EFCAB8: variants seen among roughly 807,000 people sequenced by gnomAD.
EFCAB8 encodes EF-hand calcium binding domain 8, also known as EF-hand calcium-binding domain-containing protein 8.
In EFCAB8, 100 loss-of-function variants were observed where a neutral mutation model predicts 116.3. The ratio of observed to expected loss-of-function variants is 0.86; its 90% confidence interval spans 0.73 to 1.02. The LOEUF is 1.02. EFCAB8 is among the 50% of genes least tolerant of loss of function. EFCAB8 has a pLI of 0.00. For synonymous variants in EFCAB8, 558 were observed against 567.9 expected, an observed-to-expected ratio of 0.98 and a Z score of 0.25; for missense variants, 1,320 against 1,416.9, an observed-to-expected ratio of 0.93 and a Z score of 1.10.
At chr20:32,946,645 T>G (rs772364680) in intron 23 of EFCAB8, among the ~76,000 whole-genome samples, 5 of 152,208 alleles carry the variant, frequency 3.3e-5, no homozygotes, top group Non-Finnish European at 5.9e-5. Flanking sequence ...AAAATCAGAT[T>G]TCTGAAGTAT....
rs6058966 is a variant in EFCAB8 at position 32,938,312 on chromosome 20, C to T, written c.2791-5324C>T. ...AACTAGAAATAGAAACTCCTTCAAC[C>T]TGATAAAAGCCATTTATGAAAACTC... On this transcript the variant is annotated intron_variant, in intron 22 of 26. Coordinates refer to ENST00000400522, the MANE Select transcript of EFCAB8 (RefSeq NM_001143967.2). Among the ~76,000 whole-genome samples the T allele has an allele frequency of 3.4e-4, 51 of 150,016 alleles. 4 individuals are homozygous for T. Among genetic ancestry groups the T allele is most frequent in the Non-Finnish European group, 1.0e-4 (7 of 67,422 alleles).
At chr20:32,896,673 T>C in intron 10 of EFCAB8, 146 bp downstream of exon 10, 1 of 620,670 alleles carries the variant, frequency 1.6e-6, no homozygotes, top group Non-Finnish European at 2.9e-6. Context: ...GCGGCAGCTG[T>C]TGGATCCCGT....
At position 32,912,802 on chromosome 20, in the gene EFCAB8, G is replaced by A. The variant is rs1987004525; in HGVS notation, c.1794G>A (p.Gly598=). 1.4e-6 allele frequency: 1 copy of A among 718,876 alleles called. No homozygotes were observed. 44.5% of individuals were successfully genotyped at this position (718,876 alleles called of 1,614,324 possible). Residue 598 remains glycine (G), a synonymous_variant, in exon 17 of 27, where the codon GGG becomes GGA. Coordinates refer to ENST00000400522, the MANE Select transcript of EFCAB8 (RefSeq NM_001143967.2). Reference sequence around the variant, plus strand: ...TCTTTCATCTTCAACAGATTAGTGGGATTATCCATATGAACAAAGTGTTCT... The same window carrying A: ...TCTTTCATCTTCAACAGATTAGTGGAATTATCCATATGAACAAAGTGTTCT... The part of the protein sequence containing the change: ...FPSPEQLEIS[G]IIHMNKVFYV...
chr20:32,942,357 T>C (rs567727881), intron 22 of EFCAB8, among the ~76,000 whole-genome samples: 4 of 152,230 alleles, frequency 2.6e-5, no homozygotes, highest in East Asian at 3.9e-4. Flanking sequence ...TTTTCTATTG[T>C]GGTAACTATC....
chr20:32,939,359 T>A (rs1988310487), intron 22 of EFCAB8, among the ~76,000 whole-genome samples: 1 of 144,988 alleles, frequency 6.9e-6, no homozygotes, highest in East Asian at 2.0e-4. Context: ...CTCAGCTCAC[T>A]GCAACCTCCG....
intron 14 of EFCAB8, among the ~76,000 whole-genome samples, chr20:32,909,092 C>T (rs1308690673): frequency 6.6e-6 from 1 of 152,200 alleles, no homozygotes; most frequent in South Asian, 2.1e-4. Flanking sequence ...GATGCGGGGG[C>T]CGCTCGTGCT....
At chr20:32,920,345 C>G in intron 20 of EFCAB8, 130 bp downstream of exon 20, 1 of 1,295,130 alleles carries the variant, frequency 7.7e-7, no homozygotes, top group Non-Finnish European at 1.0e-6. Context: ...CGGAAGGCAT[C>G]TTGGAGAGGA....
chr20:32,883,212 G>C (rs1406365119), intron 5 of EFCAB8, among the ~76,000 whole-genome samples: 2 of 152,130 alleles, frequency 1.3e-5, no homozygotes, highest in African/African-American at 2.4e-5. Context: ...AAGACATCTG[G>C]GTATTTCAGG....
chr20:32,961,719 G>A lies in EFCAB8; in HGVS notation c.*110G>A, dbSNP rs182205972. On this transcript the variant is annotated 3_prime_UTR_variant, in exon 27 of 27. Transcript: ENST00000400522. ...ACCCAGAGGATGTGGCTCTTCCCCC[G>A]GCCACCCCACTGGGCCTCTCTGGGG... The A allele has an allele frequency of 5.8e-5, 37 of 634,600 alleles. No individual in the cohort carries two copies. Among genetic ancestry groups the A allele is most frequent in the African/African-American group, 5.4e-4 (29 of 53,228 alleles). The allele number at this position is 634,600 out of a possible 1,614,324, so 39.3% of individuals were successfully genotyped here. A position where few individuals can be genotyped will look rare whatever the true frequency, so the allele number is the denominator to read the frequency against.
intron 19 of EFCAB8, 126 bp downstream of exon 19, chr20:32,918,700 C>T (rs1987317228): frequency 1.1e-6 from 1 of 931,146 alleles, no homozygotes; most frequent in Admixed American, 2.3e-5. Flanking sequence ...TCCCTCAACT[C>T]ACTTGTTTTG....
intron 23 of EFCAB8, among the ~76,000 whole-genome samples, chr20:32,946,310 T>C (rs1988594327): frequency 6.6e-6 from 1 of 152,234 alleles, no homozygotes; most frequent in South Asian, 2.1e-4. Context: ...AGCTGGTGGT[T>C]CCTTCCCAAT....
intron 11 of EFCAB8, 105 bp from the exon 12 acceptor site, chr20:32,906,457 C>T: frequency 1.4e-6 from 1 of 692,600 alleles, no homozygotes; most frequent in Non-Finnish European, 2.7e-6. Context: ...CCTAGGCCTC[C>T]TGGGAGGCTC....
intron 1 of EFCAB8, among the ~76,000 whole-genome samples, chr20:32,859,583 GT>G (rs568459373): frequency 9.2e-5 from 14 of 152,128 alleles, no homozygotes; most frequent in Non-Finnish European, 2.1e-4. Flanking sequence ...AAAATATTTA[GT>G]TTTGAAATAA....
intron 23 of EFCAB8, among the ~76,000 whole-genome samples, chr20:32,954,684 T>G (rs935180171): frequency 6.6e-6 from 1 of 152,360 alleles, no homozygotes; most frequent in East Asian, 1.9e-4. Context: ...CTTCAATTAA[T>G]TGTTGTGTAG....
At chr20:32,889,557 C>T (rs1278910249) in intron 7 of EFCAB8, among the ~76,000 whole-genome samples, 151 bp downstream of exon 7, 1 of 152,132 alleles carries the variant, frequency 6.6e-6, no homozygotes, top group African/African-American at 2.4e-5. Context: ...GCCAAGTAGG[C>T]AGGGGGTGGT....
At chr20:32,928,600 C>T (rs1568935353) in intron 20 of EFCAB8, among the ~76,000 whole-genome samples, 1 of 151,876 alleles carries the variant, frequency 6.6e-6, no homozygotes, top group Non-Finnish European at 1.5e-5. Flanking sequence ...TTGTTAGCCC[C>T]TTTTTTTTGG....
intron 17 of EFCAB8, among the ~76,000 whole-genome samples, chr20:32,915,522 A>T (rs959655899): frequency 6.6e-6 from 1 of 152,130 alleles, no homozygotes; most frequent in African/African-American, 2.4e-5. Flanking sequence ...TCTGTTCAGG[A>T]TTACTTAGGT....
At chr20:32,863,361 G>A (rs1316858034) in intron 1 of EFCAB8, among the ~76,000 whole-genome samples, 1 of 152,170 alleles carries the variant, frequency 6.6e-6, no homozygotes, top group African/African-American at 2.4e-5. Context: ...GGTGGGTGGG[G>A]AGGGTATATG....
chr20:32,939,199 CTTT>C (rs1988296013), intron 22 of EFCAB8, among the ~76,000 whole-genome samples: 1 of 63,526 alleles, frequency 1.6e-5, no homozygotes, highest in African/African-American at 6.4e-5. Context: ...TTCTTTCTTT[CTTT>C]CCTCTCTCTC....
Sources: allele counts gnomAD v4.1 joint callset (sites outside exome capture counted in the v4.1 genomes callset), GRCh38; gene constraint gnomAD v4.1.1; transcripts MANE v1.5; gene names NCBI Gene and HGNC (gene_info 2026-07-23, HGNC 2026-07-21).